The following SWI5 variants were observed in gnomAD, a reference collection of about 807,000 sequenced individuals.
SWI5 encodes the protein DNA repair protein SWI5 homolog.
In SWI5, 12 loss-of-function variants were observed where a neutral mutation model predicts 17.0. The observed-to-expected ratio is 0.71, with a 90% CI of 0.45 to 1.14. The LOEUF (loss-of-function observed/expected upper bound fraction) is 1.14, where lower values mean the gene tolerates loss of function less well. Among genes scored for constraint, SWI5 ranks in the 50% most tolerant of loss-of-function variants. The pLI, the probability that SWI5 is intolerant of heterozygous loss-of-function variation, is 0.00. For synonymous variants in SWI5, 61 were observed against 64.0 expected, an observed-to-expected ratio of 0.95 and a Z score of 0.22; for missense variants, 158 against 162.2, an observed-to-expected ratio of 0.97 and a Z score of 0.14.
chr9:128,288,516 G>A (rs998046294), intron 4 of SWI5, 136 bp from the exon 5 acceptor site: 3 of 883,306 alleles, frequency 3.4e-6, no homozygotes, highest in African/African-American at 3.3e-5. Flanking sequence ...AGTTAGGCAA[G>A]GCACAAGTGT....
intron 4 of SWI5, among the ~76,000 whole-genome samples, chr9:128,287,555 C>A (rs1250048361): frequency 1.4e-5 from 2 of 146,626 alleles, no homozygotes; most frequent in Non-Finnish European, 3.0e-5. Flanking sequence ...AGTGGCCTAT[C>A]CCTTTTTTTT....
chr9:128,276,612 C>CT (rs1433299665), intron 1 of SWI5, 95 bp from the exon 2 acceptor site: 1 of 1,611,784 alleles, frequency 6.2e-7, no homozygotes, highest in East Asian at 2.2e-5. Flanking sequence ...GGCGCTCCTA[C>CT]TTCCCAACTG....
intron 2 of SWI5, among the ~76,000 whole-genome samples, chr9:128,283,368 G>A (rs1235066436): frequency 6.6e-6 from 1 of 152,184 alleles, no homozygotes; most frequent in Non-Finnish European, 1.5e-5. Context: ...ATGGTGGTGT[G>A]CACCTGTAAT....
chr9:128,280,079 T>C (rs1831510019), intron 2 of SWI5, among the ~76,000 whole-genome samples: 1 of 152,188 alleles, frequency 6.6e-6, no homozygotes, highest in African/African-American at 2.4e-5. Context: ...CATCTCTATA[T>C]CTAATTTGTG....
upstream of SWI5, chr9:128,276,057 G>A: frequency 1.9e-6 from 3 of 1,586,708 alleles, no homozygotes; most frequent in Non-Finnish European, 2.6e-6. Flanking sequence ...GCGTAACCAG[G>A]GCGATACTGG....
At chr9:128,284,702 T>C (rs1347493268) in intron 3 of SWI5, 71 bp downstream of exon 3, 22 of 1,546,416 alleles carry the variant, frequency 1.4e-5, no homozygotes, top group Middle Eastern at 1.8e-4. Context: ...ACGCCTGTAA[T>C]CCCAGCACTT....
chr9:128,286,201 C>G (rs1831636529), intron 4 of SWI5, 168 bp downstream of exon 4: 1 of 582,038 alleles, frequency 1.7e-6, no homozygotes, highest in Non-Finnish European at 3.1e-6. Context: ...CTCTGGTCTC[C>G]CTGGCCACCT....
At chr9:128,286,071 A>G in intron 4 of SWI5, 38 bp downstream of exon 4, 4 of 1,502,102 alleles carry the variant, frequency 2.7e-6, no homozygotes, top group Middle Eastern at 1.7e-4. Context: ...AGCAGGCATC[A>G]TAGGGTGTCG....
At position 128,285,916 on chromosome 9, in the gene SWI5, CCT is replaced by C; in HGVS notation, c.234-17_234-16del. ...CTTTCTTAACTGGGCTGTCTTTCCC[CCT>C]CTCTCCATCGCTTATCCCAGAGGCT... On this transcript the variant is annotated intron_variant, in intron 3 of 4. Transcript: ENST00000418976. The surrounding 1 kb of genome is among the most constrained non-coding windows in gnomAD (Gnocchi z 4.8). 1.3e-6 allele frequency: 2 copies of C among 1,570,932 alleles called. No homozygotes were observed. Among genetic ancestry groups the C allele is most frequent in the South Asian group, 1.1e-5 (1 of 90,148 alleles).
At chr9:128,282,501 G>A (rs79690916) in intron 2 of SWI5, among the ~76,000 whole-genome samples, 1,815 of 152,314 alleles carry the variant, frequency 0.012, 32 homozygotes, top group African/African-American at 0.041. Context: ...TTTCTGATGG[G>A]GCGATAGGTA....
At chr9:128,282,041 C>T (rs985355036) in intron 2 of SWI5, among the ~76,000 whole-genome samples, 1 of 151,868 alleles carries the variant, frequency 6.6e-6, no homozygotes, top group Non-Finnish European at 1.5e-5. Flanking sequence ...ATTGTGCTAC[C>T]GCACTCCAGC....
chr9:128,275,915 T>A, upstream of SWI5: 1 of 1,587,296 alleles, frequency 6.3e-7, no homozygotes, highest in Non-Finnish European at 8.6e-7. Flanking sequence ...TGCGGCCAAT[T>A]TGCTCTGTCG....
chr9:128,276,921 C>T (rs1831410434), intron 2 of SWI5, among the ~76,000 whole-genome samples, 166 bp downstream of exon 2: 1 of 152,072 alleles, frequency 6.6e-6, no homozygotes, highest in African/African-American at 2.4e-5. Flanking sequence ...CCTCCCCTTC[C>T]TTTCCTCATG....
Position 128,276,293 on chromosome 9 carries a change from A to G in SWI5, c.-48A>G, listed in dbSNP as rs535531933. 16 of 1,612,854 alleles carry G rather than the reference A, an allele frequency of 9.9e-6. 2 individuals are homozygous for G. In the South Asian group the frequency reaches 1.2e-4, roughly 12 times the overall value. On this transcript the variant is annotated 5_prime_UTR_variant, in exon 1 of 5. Coordinates refer to ENST00000418976, the Ensembl canonical transcript of SWI5. Reference sequence around the variant, plus strand: ...TGTGCGCCAGTTCACACTCCGGGTCAGAGTTCCTGGCCCGGTGCACCTGAG... The same window carrying G: ...TGTGCGCCAGTTCACACTCCGGGTCGGAGTTCCTGGCCCGGTGCACCTGAG...
intron 2 of SWI5, among the ~76,000 whole-genome samples, chr9:128,284,187 G>T (rs1204321707): frequency 3.3e-5 from 5 of 151,086 alleles, no homozygotes; most frequent in Non-Finnish European, 7.4e-5. Flanking sequence ...TACTCGGGAG[G>T]CTGAGACAGG....
rs967643945 is a variant in SWI5, at chr9:128,276,545, G to T, written c.62+143G>T. On this transcript the variant is annotated intron_variant, in intron 1 of 4. Transcript: ENST00000418976. Reference sequence around the variant, plus strand: ...TCTCAGAACGCCCCCTTCCTAGAGGGTCTCTACCCTGATCCTGAGAGCGTG... The same window carrying T: ...TCTCAGAACGCCCCCTTCCTAGAGGTTCTCTACCCTGATCCTGAGAGCGTG... 1.9e-6 allele frequency: 3 copies of T among 1,580,620 alleles called. No individual in the cohort carries two copies. In the African/African-American group the frequency reaches 4.0e-5, roughly 21 times the overall value.
chr9:128,283,245 C>CTGGGAGGCAGAGG (rs1188345203), intron 2 of SWI5, among the ~76,000 whole-genome samples: 1 of 152,152 alleles, frequency 6.6e-6, no homozygotes, highest in Non-Finnish European at 1.5e-5. Context: ...TTGCTTGAAC[C>CTGGGAGGCAGAGG]TGGGAGGCAG....
chr9:128,275,505 C>A (rs1346729044), upstream of SWI5: 3 of 1,306,318 alleles, frequency 2.3e-6, no homozygotes, highest in Non-Finnish European at 2.0e-6. Flanking sequence ...AGGTGAGGGT[C>A]GAGTCTGGAG....
chr9:128,277,647 C>A (rs1831446364), intron 2 of SWI5, among the ~76,000 whole-genome samples: 1 of 152,214 alleles, frequency 6.6e-6, no homozygotes, highest in Non-Finnish European at 1.5e-5. Context: ...TAGCCCCCTG[C>A]CCTCCAGGAG....
Sources: allele counts gnomAD v4.1 joint callset (sites outside exome capture counted in the v4.1 genomes callset), GRCh38; gene constraint gnomAD v4.1.1; non-coding constraint Gnocchi (gnomAD v3.1); transcripts MANE v1.5; gene names NCBI Gene and HGNC (gene_info 2026-07-23, HGNC 2026-07-21).